KCNN2: variants seen among roughly 807,000 people sequenced by gnomAD.
KCNN2 encodes the protein potassium calcium-activated channel subfamily N member 2.
A neutral mutation model predicts 55.5 loss-of-function variants in KCNN2; 24 were observed. The observed-to-expected ratio is 0.43, with a 90% CI of 0.31 to 0.61. KCNN2 has a LOEUF of 0.61. Ranked by LOEUF, KCNN2 falls within the 20% of genes least tolerant of loss-of-function variation. The pLI, the probability that KCNN2 is intolerant of heterozygous loss-of-function variation, is 0.08. For missense variants in KCNN2, 754 were observed against 853.6 expected (o/e 0.88, Z 1.45); for synonymous variants, 431 against 336.1 (o/e 1.28, Z -3.09).
intron 1 of KCNN2, among the ~76,000 whole-genome samples, chr5:114,167,351 A>G (rs911670040): frequency 6.6e-6 from 1 of 152,174 alleles, no homozygotes; most frequent in Non-Finnish European, 1.5e-5. Context: ...ATAGTAACTG[A>G]AATACCTTCT....
At chr5:114,088,077 A>C (rs1408519765) in intron 1 of KCNN2, among the ~76,000 whole-genome samples, 1 of 151,990 alleles carries the variant, frequency 6.6e-6, no homozygotes, top group Non-Finnish European at 1.5e-5. Flanking sequence ...GGGTTCTCTC[A>C]GCTTTTATTT....
chr5:114,235,785 A>T (rs572534089), intron 2 of KCNN2, among the ~76,000 whole-genome samples: 7 of 152,350 alleles, frequency 4.6e-5, no homozygotes, highest in African/African-American at 1.7e-4. Flanking sequence ...TTAAAATTTA[A>T]TCAACATTTT....
chr5:114,132,041 ACG>A (rs1752082170), intron 1 of KCNN2, among the ~76,000 whole-genome samples: 1 of 152,210 alleles, frequency 6.6e-6, no homozygotes, highest in South Asian at 2.1e-4. Context: ...GTTTTGTCAG[ACG>A]GATAGATTGC....
intron 1 of KCNN2, among the ~76,000 whole-genome samples, chr5:114,159,801 A>G (rs577032455): frequency 3.3e-5 from 5 of 152,220 alleles, no homozygotes; most frequent in African/African-American, 9.6e-5. Flanking sequence ...AGAGGTGTTT[A>G]TAGTATTCTC....
chr5:114,373,251 T>C (rs971172935), intron 2 of KCNN2, among the ~76,000 whole-genome samples: 10 of 152,040 alleles, frequency 6.6e-5, no homozygotes, highest in African/African-American at 2.4e-4. Flanking sequence ...TAATTCTACA[T>C]GATCTTGGTT....
chr5:114,094,894 C>T (rs189207564), intron 1 of KCNN2, among the ~76,000 whole-genome samples: 2 of 152,124 alleles, frequency 1.3e-5, no homozygotes, highest in Admixed American at 6.5e-5. Flanking sequence ...TCTTATAATT[C>T]AATCCTGCTT....
chr5:114,105,686 A>G (rs775143137), intron 1 of KCNN2, among the ~76,000 whole-genome samples: 13 of 152,054 alleles, frequency 8.5e-5, no homozygotes, highest in Non-Finnish European at 1.6e-4. Context: ...CTAATGGATT[A>G]TCATATTTGC....
chr5:114,317,493 C>A (rs752612350), intron 2 of KCNN2, among the ~76,000 whole-genome samples: 12 of 152,178 alleles, frequency 7.9e-5, no homozygotes, highest in Non-Finnish European at 1.6e-4. Flanking sequence ...ATCATCCATT[C>A]TTTCTTAGAC....
intron 1 of KCNN2, among the ~76,000 whole-genome samples, chr5:114,166,345 T>TG (rs1752913085): frequency 6.6e-6 from 1 of 152,182 alleles, no homozygotes; most frequent in South Asian, 2.1e-4. Context: ...CAAATGTTTC[T>TG]ACTGTGTAGT....
At chr5:114,245,908 T>C (rs1325254032) in intron 2 of KCNN2, among the ~76,000 whole-genome samples, 2 of 152,228 alleles carry the variant, frequency 1.3e-5, no homozygotes, top group Non-Finnish European at 2.9e-5. Flanking sequence ...CAACTTGTTC[T>C]CAGCATATCT....
At chr5:114,151,835 A>C (rs2112518652) in intron 1 of KCNN2, among the ~76,000 whole-genome samples, 1 of 152,308 alleles carries the variant, frequency 6.6e-6, no homozygotes, top group African/African-American at 2.4e-5. Flanking sequence ...CTATAGGGAA[A>C]GTGCTTTCTC....
At chr5:114,370,725 A>G (rs1188650138) in intron 2 of KCNN2, among the ~76,000 whole-genome samples, 1 of 152,192 alleles carries the variant, frequency 6.6e-6, no homozygotes, top group African/African-American at 2.4e-5. Flanking sequence ...AGCATAGGCC[A>G]AGCAGGAGCA....
chr5:114,332,973 G>T (rs996920992), intron 2 of KCNN2, among the ~76,000 whole-genome samples: 1 of 152,072 alleles, frequency 6.6e-6, no homozygotes, highest in African/African-American at 2.4e-5. Flanking sequence ...CTTCCTGCCT[G>T]GATTTATACA....
At chr5:114,113,665 A>T (rs1751651638) in intron 1 of KCNN2, among the ~76,000 whole-genome samples, 1 of 152,140 alleles carries the variant, frequency 6.6e-6, no homozygotes, top group Admixed American at 6.6e-5. Context: ...GACAAGGCAA[A>T]GGAAAGATTT....
chr5:114,404,072 A>C (rs1454233578), intron 2 of KCNN2, among the ~76,000 whole-genome samples: 1 of 152,212 alleles, frequency 6.6e-6, no homozygotes, highest in Non-Finnish European at 1.5e-5. Context: ...TAAGGCTTTA[A>C]ATCCAGACTG....
At chr5:114,492,755 A>C (rs1456096276) in intron 6 of KCNN2, among the ~76,000 whole-genome samples, 1 of 152,110 alleles carries the variant, frequency 6.6e-6, no homozygotes, top group African/African-American at 2.4e-5. Flanking sequence ...GAAAATGGGA[A>C]TTTTTCCTAG....
chr5:114,389,112 A>AGTGTGTAT (rs1758371461), intron 2 of KCNN2, among the ~76,000 whole-genome samples: 1 of 151,402 alleles, frequency 6.6e-6, no homozygotes, highest in African/African-American at 2.4e-5. Context: ...TGCGTGTGTG[A>AGTGTGTAT]GTGTGTATGT....
chr5:114,350,665 T>G (rs954886406), intron 2 of KCNN2, among the ~76,000 whole-genome samples: 4 of 151,936 alleles, frequency 2.6e-5, no homozygotes, highest in African/African-American at 9.7e-5. Flanking sequence ...GTTCATGTTT[T>G]TGCATGTGAA....
At chr5:114,249,834 A>G (rs994599592) in intron 2 of KCNN2, among the ~76,000 whole-genome samples, 1 of 151,984 alleles carries the variant, frequency 6.6e-6, no homozygotes, top group Non-Finnish European at 1.5e-5. Flanking sequence ...AATATCATCG[A>G]TCTGAATATG....
Sources: gnomAD v4.1 joint callset for allele counts (sites outside exome capture counted in the v4.1 genomes callset) on GRCh38, gnomAD v4.1.1 for gene constraint, MANE v1.5 for transcripts, NCBI Gene and HGNC (gene_info 2026-07-23, HGNC 2026-07-21) for gene names.